The following SPCS2 variants were observed in gnomAD, a reference collection of about 807,000 sequenced individuals.
SPCS2 encodes the protein signal peptidase complex subunit 2.
In SPCS2, 3 loss-of-function variants were observed where a neutral mutation model predicts 22.3. The ratio of observed to expected loss-of-function variants is 0.13; its 90% CI spans 0.06 to 0.35. SPCS2 has a LOEUF of 0.35. Among genes scored for constraint, SPCS2 ranks in the 10% least tolerant of loss-of-function variants. SPCS2 has a pLI of 1.00. For synonymous variants in SPCS2, 67 were observed against 97.2 expected (o/e 0.69, Z 1.83); for missense variants, 169 against 280.9 (o/e 0.60, Z 2.85).
At position 74,978,500 on chromosome 11, in the gene SPCS2, A is replaced by G. The variant is rs1948628302; in HGVS notation, c.*1457A>G. On this transcript the variant is annotated 3_prime_UTR_variant, in exon 5 of 5. Transcript: ENST00000263672. ...ATGGAGGAGTTACAGTCATCTTGGT[A>G]TTTGTGGGAGATTGGTTCCAGGATC... The G allele has an allele frequency of 1.3e-5, 2 of 152,198 alleles. No individual in the cohort carries two copies. Among genetic ancestry groups the G allele is most frequent in the Admixed American group, 6.5e-5 (1 of 15,276 alleles). The allele number at this position is 152,198 out of a possible 1,614,324, so 9.4% of individuals were successfully genotyped here. A position where few individuals can be genotyped will look rare whatever the true frequency, so the allele number is the denominator to read the frequency against.
At chr11:74,957,668 T>A (rs1948487872) in intron 1 of SPCS2, among the ~76,000 whole-genome samples, 1 of 152,226 alleles carries the variant, frequency 6.6e-6, no homozygotes, top group Admixed American at 6.5e-5. Flanking sequence ...TCCTTGAACT[T>A]GTAGTGTGCC....
At chr11:74,951,687 G>A (rs1208000202) in intron 1 of SPCS2, among the ~76,000 whole-genome samples, 2 of 151,662 alleles carry the variant, frequency 1.3e-5, no homozygotes, top group Non-Finnish European at 2.9e-5. Context: ...GTGCATGCCT[G>A]TAATCCCACC....
chr11:74,974,117 T>TG (rs909575461), intron 4 of SPCS2, among the ~76,000 whole-genome samples: 1 of 151,798 alleles, frequency 6.6e-6, no homozygotes, highest in Non-Finnish European at 1.5e-5. Flanking sequence ...AATACTTTTT[T>TG]TTTTTAACTA....
intron 4 of SPCS2, among the ~76,000 whole-genome samples, chr11:74,971,159 G>A (rs593028): frequency 1 from 152,286 of 152,350 alleles, 76,111 homozygotes; most frequent in Middle Eastern, 1. Flanking sequence ...TACTTCCTAT[G>A]TATACTGCAC....
rs536151868 is a variant in SPCS2 at position 74,967,044 on chromosome 11, A to T, written c.359+1121A>T. ...AGGCATAAGCCACTGTGCCCAGCCA[A>T]CCTGAAATATGTTTTAAAACTTCAT... On this transcript the variant is annotated intron_variant, in intron 3 of 4. Coordinates refer to ENST00000263672, the MANE Select transcript of SPCS2 (RefSeq NM_014752.3). 1.4e-3 allele frequency among the ~76,000 whole-genome samples: 210 copies of T among 152,332 alleles called. 1 individual carries two copies. The highest frequency in any genetic ancestry group is 4.8e-3 in the African/African-American group (199 of 41,576).
At chr11:74,961,824 G>A (rs1005590045) in intron 1 of SPCS2, among the ~76,000 whole-genome samples, 1 of 152,138 alleles carries the variant, frequency 6.6e-6, no homozygotes, top group South Asian at 2.1e-4. Context: ...CACTGCACCT[G>A]ACCAGAACCA....
At chr11:74,965,306 A>C (rs12274949) in intron 2 of SPCS2, 189 bp downstream of exon 2, 1 of 473,702 alleles carries the variant, frequency 2.1e-6, no homozygotes, top group Non-Finnish European at 3.7e-6. Context: ...AACATGGCAC[A>C]TGTATACATA....
intron 1 of SPCS2, 182 bp downstream of exon 1, chr11:74,949,581 G>A (rs1300827931): frequency 3.0e-6 from 2 of 674,214 alleles, no homozygotes; most frequent in Non-Finnish European, 5.4e-6. Context: ...TTCAAACCTG[G>A]ACCCGGTCCT....
At chr11:74,959,432 G>T (rs972482198) in intron 1 of SPCS2, among the ~76,000 whole-genome samples, 5 of 152,134 alleles carry the variant, frequency 3.3e-5, no homozygotes, top group Non-Finnish European at 7.4e-5. Context: ...TCACTCTATT[G>T]TCCAGGCTGG....
At chr11:74,963,853 A>AT (rs1429999626) in intron 1 of SPCS2, among the ~76,000 whole-genome samples, 3 of 152,186 alleles carry the variant, frequency 2.0e-5, no homozygotes, top group African/African-American at 7.2e-5. Flanking sequence ...GGAATACAAT[A>AT]TTTGTTCACT....
At chr11:74,967,039 A>G (rs535588920) in intron 3 of SPCS2, among the ~76,000 whole-genome samples, 65 of 152,360 alleles carry the variant, frequency 4.3e-4, no homozygotes, top group Non-Finnish European at 8.5e-4. Context: ...CACTGTGCCC[A>G]GCCAACCTGA....
intron 3 of SPCS2, among the ~76,000 whole-genome samples, chr11:74,967,137 T>C (rs1259594696): frequency 6.6e-6 from 1 of 152,228 alleles, no homozygotes; most frequent in Non-Finnish European, 1.5e-5. Flanking sequence ...AAAAATTGTA[T>C]TATCCAGATT....
At chr11:74,969,746 C>T in intron 4 of SPCS2, 47 bp downstream of exon 4, 1 of 1,610,102 alleles carries the variant, frequency 6.2e-7, no homozygotes, top group Non-Finnish European at 8.5e-7. Context: ...TGGATTTGCC[C>T]TGGCATGTTG....
At chr11:74,963,417 G>A (rs1392137083) in intron 1 of SPCS2, among the ~76,000 whole-genome samples, 4 of 151,592 alleles carry the variant, frequency 2.6e-5, no homozygotes, top group Admixed American at 2.6e-4. Flanking sequence ...TCACAGAACA[G>A]GTTTTCTCTT....
At chr11:74,964,909 T>G (rs1948534834) in intron 1 of SPCS2, 125 bp from the exon 2 acceptor site, 3 of 641,518 alleles carry the variant, frequency 4.7e-6, no homozygotes, top group South Asian at 4.3e-5. Context: ...CTTTTAGTTC[T>G]GCAACATCAG....
intron 1 of SPCS2, among the ~76,000 whole-genome samples, chr11:74,951,613 C>T (rs1056146459): frequency 6.6e-6 from 1 of 151,896 alleles, no homozygotes; most frequent in Non-Finnish European, 1.5e-5. Flanking sequence ...AAGTTCAAGA[C>T]CAGCCAGACC....
Position 74,975,324 on chromosome 11 carries a change from T to A in SPCS2, c.495-1533T>A, listed in dbSNP as rs543589186. ...GCTCAGACATCTGCTTAGTGAAGGC[T>A]TTTCTGCCCATCTATTTAAGAGAAC... On this transcript the variant is annotated intron_variant, in intron 4 of 4. Coordinates refer to ENST00000263672, the MANE Select transcript of SPCS2 (RefSeq NM_014752.3). 2.6e-5 allele frequency among the ~76,000 whole-genome samples: 4 copies of A among 152,322 alleles called. No homozygotes were observed. In the East Asian group the frequency reaches 7.7e-4, roughly 29 times the overall value.
rs150250153 is a variant in SPCS2, at chr11:74,960,312, C to G, written c.115-4722C>G. Among the ~76,000 whole-genome samples, 185 of 152,314 alleles carry G rather than the reference C, an allele frequency of 1.2e-3. 5 individuals carry two copies. The East Asian group carries it at 0.031, about 25-fold the overall frequency. On this transcript the variant is annotated intron_variant, in intron 1 of 4. Transcript: ENST00000263672. ...GCGCCACTGCGCTCAGCCTGGGTGA[C>G]AGAGTAAGACTCTGTCTCAAAAAAA...
intron 4 of SPCS2, among the ~76,000 whole-genome samples, chr11:74,974,688 C>T (rs1288370790): frequency 6.6e-6 from 1 of 152,180 alleles, no homozygotes; most frequent in Non-Finnish European, 1.5e-5. Flanking sequence ...GATCTCGGCT[C>T]GCTGCAAGCT....
Sources: gnomAD v4.1 joint callset for allele counts (sites outside exome capture counted in the v4.1 genomes callset) on GRCh38, gnomAD v4.1.1 for gene constraint, MANE v1.5 for transcripts, NCBI Gene and HGNC (gene_info 2026-07-23, HGNC 2026-07-21) for gene names.